The following HK1 variants were observed in gnomAD, a reference collection of about 807,000 sequenced individuals.
HK1 encodes hexokinase-1.
A neutral mutation model predicts 91.6 loss-of-function variants in HK1; 28 were observed. That is an observed-to-expected ratio of 0.31 (90% CI 0.23 to 0.42). The LOEUF is 0.42. Ranked by LOEUF, HK1 falls within the 10% of genes least tolerant of loss-of-function variation. The pLI, the probability that HK1 is intolerant of heterozygous loss-of-function variation, is 1.00. For synonymous variants in HK1, 430 were observed against 468.1 expected (o/e 0.92, Z 1.05); for missense variants, 770 against 1,219.8 (o/e 0.63, Z 5.49).
chr10:69,277,549 C>T (rs1844531033), intron 1 of HK1, among the ~76,000 whole-genome samples: 1 of 152,140 alleles, frequency 6.6e-6, no homozygotes, highest in African/African-American at 2.4e-5. Flanking sequence ...GCCCGGGCGA[C>T]AGAGTAAGAC....
intron 16 of HK1, among the ~76,000 whole-genome samples, chr10:69,397,562 C>T (rs140946963): frequency 9.0e-4 from 137 of 152,318 alleles, no homozygotes; most frequent in African/African-American, 3.2e-3. Context: ...TCTACACCTG[C>T]TCTTCTCCAC....
chr10:69,359,755 G>A, intron 2 of HK1, 142 bp from the exon 3 acceptor site: 1 of 809,274 alleles, frequency 1.2e-6, no homozygotes, highest in Non-Finnish European at 2.1e-6. Flanking sequence ...GATGAAGTTT[G>A]CATGATTGCT....
At chr10:69,382,294 G>T (rs1352536266) in intron 9 of HK1, among the ~76,000 whole-genome samples, 193 bp from the exon 10 acceptor site, 1 of 152,202 alleles carries the variant, frequency 6.6e-6, no homozygotes, top group Non-Finnish European at 1.5e-5. Flanking sequence ...AGGATCACCT[G>T]AACCTGGGAG....
intron 17 of HK1, 52 bp downstream of exon 17, chr10:69,398,880 G>A (rs1840261401): frequency 1.4e-6 from 2 of 1,410,050 alleles, no homozygotes; most frequent in African/African-American, 2.8e-5. Context: ...ATCCCTTTGG[G>A]TTAGGGGGTA....
Position 69,363,369 on chromosome 10 carries a change from A to C in HK1, c.376-1414A>C, listed in dbSNP as rs1307674733. Among the ~76,000 whole-genome samples the C allele has an allele frequency of 2.0e-5, 3 of 152,334 alleles. No homozygotes were observed. The East Asian group carries it at 5.8e-4, about 29-fold the overall frequency. On this transcript the variant is annotated intron_variant, in intron 3 of 17. Coordinates refer to ENST00000359426, the MANE Select transcript of HK1 (RefSeq NM_000188.3). ...CTCTTCTGGTTAGAACACACATAGA[A>C]TATTATCTTCTGTTCTGATTATATT...
intron 4 of HK1, among the ~76,000 whole-genome samples, chr10:69,297,153 C>A (rs1047531555): frequency 2.0e-5 from 3 of 152,270 alleles, no homozygotes; most frequent in African/African-American, 7.2e-5. Flanking sequence ...AGTCAATTAA[C>A]AAATATTTTG....
intron 13 of HK1, 151 bp downstream of exon 13, chr10:69,386,569 G>A: frequency 1.8e-6 from 1 of 561,868 alleles, no homozygotes; most frequent in Non-Finnish European, 3.3e-6. Context: ...GGATCATGAG[G>A]TCAGGAGTTC....
intron 14 of HK1, among the ~76,000 whole-genome samples, chr10:69,391,106 C>T (rs1839876556): frequency 6.6e-6 from 1 of 152,350 alleles, no homozygotes; most frequent in East Asian, 1.9e-4. Flanking sequence ...GAGCCCCTGG[C>T]AAGCATATGT....
chr10:69,379,743 TCCCATACC>T, intron 8 of HK1, 111 bp from the exon 9 acceptor site: 1 of 802,806 alleles, frequency 1.2e-6, no homozygotes, highest in Non-Finnish European at 2.2e-6. Context: ...TCCCATACCA[TCCCATACC>T]ATCCCACACA....
chr10:69,339,300 C>CT (rs1288013425), intron 1 of HK1, among the ~76,000 whole-genome samples: 1 of 152,224 alleles, frequency 6.6e-6, no homozygotes, highest in Non-Finnish European at 1.5e-5. Context: ...CAGCCCAGCC[C>CT]CAGGCCTAGG....
intron 2 of HK1, among the ~76,000 whole-genome samples, chr10:69,345,546 A>C (rs1449923655): frequency 6.6e-6 from 1 of 151,938 alleles, no homozygotes; most frequent in Non-Finnish European, 1.5e-5. Context: ...AAGAGGAAGG[A>C]GCGGGGAGGG....
Position 69,369,842 on chromosome 10 carries a change from G to A in HK1, c.875+218G>A, listed in dbSNP as rs182902103. ...CAACCTCCACCTCCTGGGTTCAAGC[G>A]ATTCTCCTGCCTTAGCCTCCAAGTA... is the stretch of plus-strand genomic sequence containing the variant. On this transcript the variant is annotated intron_variant, in intron 7 of 17. Coordinates refer to ENST00000359426, the MANE Select transcript of HK1 (RefSeq NM_000188.3). This position sits in a 1 kb window ranked among gnomAD's most constrained non-coding sequence, Gnocchi z 4.4. Among the ~76,000 whole-genome samples the A allele has an allele frequency of 3.3e-5, 5 of 152,210 alleles. No homozygotes were observed. The East Asian group carries it at 5.8e-4, about 18-fold the overall frequency.
chr10:69,319,163 G>C, intron 1 of HK1, 153 bp downstream of exon 1: 1 of 896,430 alleles, frequency 1.1e-6, no homozygotes, highest in Non-Finnish European at 1.8e-6. Context: ...CTTCGCCTTC[G>C]ATTCTACCGG....
At chr10:69,352,153 C>T (rs1215770589) in intron 2 of HK1, among the ~76,000 whole-genome samples, 4 of 152,030 alleles carry the variant, frequency 2.6e-5, no homozygotes, top group Non-Finnish European at 5.9e-5. Flanking sequence ...CCACTACACC[C>T]AGCTAATTTT....
At chr10:69,326,897 A>G (rs1217932291) in intron 1 of HK1, among the ~76,000 whole-genome samples, 1 of 151,586 alleles carries the variant, frequency 6.6e-6, no homozygotes, top group Non-Finnish European at 1.5e-5. Flanking sequence ...TATAAACAGT[A>G]TATGGTATTG....
chr10:69,379,859 C>T lies in HK1; in HGVS notation c.1032-3C>T, dbSNP rs113927909. The T allele has an allele frequency of 5.2e-5, 84 of 1,605,812 alleles. No individual in the cohort carries two copies. The highest frequency in any genetic ancestry group is 6.8e-5 in the Non-Finnish European group (80 of 1,172,570). ...GCATCAGTATTGGCTTCTAACTTCA[C>T]AGGAATAAGGAAGGCCTCCACAATG... On this transcript the variant is annotated splice_polypyrimidine_tract_variant and splice_region_variant and intron_variant, in intron 8 of 17. Transcript: ENST00000359426.
At chr10:69,288,586 G>T in intron 2 of HK1, 1 of 763,914 alleles carries the variant, frequency 1.3e-6, no homozygotes, top group Non-Finnish European at 2.4e-6. Flanking sequence ...TCAGTATTAG[G>T]GTGTTTAGCT....
At chr10:69,362,459 T>G (rs1849480646) in intron 3 of HK1, among the ~76,000 whole-genome samples, 1 of 149,450 alleles carries the variant, frequency 6.7e-6, no homozygotes, top group East Asian at 2.0e-4. Flanking sequence ...TTTAAGACAC[T>G]AAAGCTTTGA....
chr10:69,276,138 T>TATATATATACAC (rs753204633), intron 1 of HK1, among the ~76,000 whole-genome samples: 45 of 76,398 alleles, frequency 5.9e-4, no homozygotes, highest in East Asian at 1.5e-3. Context: ...TATATATATA[T>TATATATATACAC]ACACATATAT....
Sources: allele counts gnomAD v4.1 joint callset (sites outside exome capture counted in the v4.1 genomes callset), GRCh38; gene constraint gnomAD v4.1.1; non-coding constraint Gnocchi (gnomAD v3.1); transcripts MANE v1.5; gene names NCBI Gene and HGNC (gene_info 2026-07-23, HGNC 2026-07-21).